The following FCHSD2 variants were observed in gnomAD, a reference collection of about 807,000 sequenced individuals.
FCHSD2 encodes F-BAR and double SH3 domains protein 2.
A neutral mutation model predicts 108.1 loss-of-function variants in FCHSD2; 38 were observed. The observed-to-expected ratio is 0.35, with a 90% CI of 0.27 to 0.46. The LOEUF is 0.46. Ranked by LOEUF, FCHSD2 falls within the 20% of genes least tolerant of loss-of-function variation. The pLI is 1.00. For synonymous variants in FCHSD2, 279 were observed against 314.7 expected, an observed-to-expected ratio of 0.89 and a Z score of 1.20; for missense variants, 751 against 897.8, an observed-to-expected ratio of 0.84 and a Z score of 2.09.
intron 9 of FCHSD2, among the ~76,000 whole-genome samples, chr11:72,909,367 C>T (rs1029034001): frequency 3.9e-5 from 6 of 152,138 alleles, no homozygotes; most frequent in Middle Eastern, 3.2e-3. Flanking sequence ...AGTGCAGTGG[C>T]GTGATCTCGG....
chr11:72,846,706 C>T (rs190518528), intron 14 of FCHSD2, among the ~76,000 whole-genome samples: 1 of 152,292 alleles, frequency 6.6e-6, no homozygotes, highest in East Asian at 1.9e-4. Flanking sequence ...AGCTCCGTTT[C>T]CACCAGTATC....
intron 13 of FCHSD2, among the ~76,000 whole-genome samples, chr11:72,855,032 G>A (rs1861388319): frequency 6.6e-6 from 1 of 152,170 alleles, no homozygotes; most frequent in Non-Finnish European, 1.5e-5. Context: ...CCTGCACTTT[G>A]GGAGGCCGAG....
Position 72,921,865 on chromosome 11 carries a change from T to G in FCHSD2, c.791A>C (p.Gln264Pro). ...RTELETCQAV[Q>P]NTFQFLLENS... is the part of the protein sequence containing the mutation. ...TTCTAATAAAAACTGGAATGTGTTC[T>G]GCACAGCTTGGCATGTTTCTAGCTC... Residue 264 changes from glutamine (Q) to proline (P), a missense_variant, in exon 9 of 20, where the codon CAG (glutamine) becomes CCG (proline). Transcript: ENST00000409418. 6.2e-7 allele frequency: 1 copy of G among 1,610,532 alleles called. No individual in the cohort carries two copies. The highest frequency in any genetic ancestry group is 8.5e-7 in the Non-Finnish European group (1 of 1,178,078).
chr11:73,002,977 A>G (rs925161609), intron 4 of FCHSD2, among the ~76,000 whole-genome samples: 2 of 152,246 alleles, frequency 1.3e-5, no homozygotes, highest in African/African-American at 2.4e-5. Context: ...AAGAATGGTT[A>G]CAATAATATA....
chr11:73,097,473 G>A (rs1343385461), intron 2 of FCHSD2, among the ~76,000 whole-genome samples: 1 of 150,920 alleles, frequency 6.6e-6, no homozygotes, highest in Admixed American at 6.6e-5. Flanking sequence ...GGGTAAAGAC[G>A]GCCTCAGAAT....
At chr11:72,874,432 C>A (rs1290999957) in intron 12 of FCHSD2, among the ~76,000 whole-genome samples, 1 of 152,188 alleles carries the variant, frequency 6.6e-6, no homozygotes, top group Non-Finnish European at 1.5e-5. Context: ...TCAAGTGATC[C>A]TCCTGCCTCA....
At chr11:72,868,910 AT>A (rs1036133505) in intron 12 of FCHSD2, among the ~76,000 whole-genome samples, 8 of 150,696 alleles carry the variant, frequency 5.3e-5, no homozygotes, top group African/African-American at 1.7e-4. Context: ...TTTTTTTTAA[AT>A]TTTTTATTTT....
intron 9 of FCHSD2, among the ~76,000 whole-genome samples, chr11:72,918,912 T>C (rs1471850502): frequency 6.6e-6 from 1 of 152,116 alleles, no homozygotes; most frequent in African/African-American, 2.4e-5. Context: ...TCTGCTTCAG[T>C]TACATATACA....
At chr11:72,965,651 C>T (rs990608842) in intron 8 of FCHSD2, among the ~76,000 whole-genome samples, 13 of 151,992 alleles carry the variant, frequency 8.6e-5, no homozygotes, top group African/African-American at 3.1e-4. Flanking sequence ...TGGGTAATTA[C>T]CATCCAGATC....
At chr11:72,942,528 G>A (rs1856439615) in intron 8 of FCHSD2, among the ~76,000 whole-genome samples, 1 of 152,190 alleles carries the variant, frequency 6.6e-6, no homozygotes, top group Non-Finnish European at 1.5e-5. Context: ...ACATGCCTAG[G>A]AAAGATTAGA....
intron 2 of FCHSD2, among the ~76,000 whole-genome samples, chr11:73,137,758 T>C (rs535017455): frequency 1.5e-4 from 23 of 152,190 alleles, no homozygotes; most frequent in Non-Finnish European, 3.4e-4. Context: ...GGGGCATGAA[T>C]GTAGAGTGCA....
intron 5 of FCHSD2, among the ~76,000 whole-genome samples, chr11:72,991,991 T>G (rs2135407709): frequency 6.6e-6 from 1 of 152,332 alleles, no homozygotes; most frequent in Admixed American, 6.5e-5. Flanking sequence ...GTAGATGACA[T>G]GATTGTTTAT....
At chr11:72,871,366 T>C (rs1413013139) in intron 12 of FCHSD2, among the ~76,000 whole-genome samples, 1 of 152,222 alleles carries the variant, frequency 6.6e-6, no homozygotes, top group Admixed American at 6.5e-5. Flanking sequence ...TCAGAGTCAA[T>C]GTGTTTTGTG....
At chr11:73,067,204 A>T (rs764127904) in intron 3 of FCHSD2, among the ~76,000 whole-genome samples, 4 of 152,192 alleles carry the variant, frequency 2.6e-5, no homozygotes, top group Non-Finnish European at 4.4e-5. Flanking sequence ...TGAAGCTGGA[A>T]ACCATCATTC....
intron 8 of FCHSD2, among the ~76,000 whole-genome samples, chr11:72,936,268 G>A (rs1253983292): frequency 6.6e-6 from 1 of 152,184 alleles, no homozygotes; most frequent in East Asian, 1.9e-4. Flanking sequence ...GAATTTTGGT[G>A]ACAGACTGGG....
intron 12 of FCHSD2, among the ~76,000 whole-genome samples, chr11:72,887,053 G>C (rs2135244843): frequency 6.6e-6 from 1 of 151,306 alleles, no homozygotes; most frequent in African/African-American, 2.4e-5. Flanking sequence ...CTTCCATATG[G>C]GGGAGATTTC....
chr11:72,877,041 G>A (rs762542143), intron 12 of FCHSD2, among the ~76,000 whole-genome samples: 73 of 151,566 alleles, frequency 4.8e-4, no homozygotes, highest in African/African-American at 1.3e-3. Context: ...GTACGATCAC[G>A]GCTCAGTGCA....
chr11:72,918,158 T>C (rs1486891953), intron 9 of FCHSD2, among the ~76,000 whole-genome samples: 3 of 152,226 alleles, frequency 2.0e-5, no homozygotes, highest in African/African-American at 4.8e-5. Flanking sequence ...CTGAGTATTA[T>C]TGTAGTTGGA....
At chr11:72,998,184 T>A (rs1409408408) in intron 5 of FCHSD2, among the ~76,000 whole-genome samples, 1 of 152,230 alleles carries the variant, frequency 6.6e-6, no homozygotes, top group Non-Finnish European at 1.5e-5. Flanking sequence ...TGGAATTATC[T>A]TGCTAGAAGA....
Sources: allele counts gnomAD v4.1 joint callset (sites outside exome capture counted in the v4.1 genomes callset), GRCh38; gene constraint gnomAD v4.1.1; transcripts MANE v1.5; gene names NCBI Gene and HGNC (gene_info 2026-07-23, HGNC 2026-07-21).